The following ATP2C2 variants were observed in gnomAD, a reference collection of about 807,000 sequenced individuals.
The protein encoded by ATP2C2 is ATPase secretory pathway Ca2+ transporting 2.
ATP2C2 carries 171 observed loss-of-function variants against 110.8 expected under a neutral mutation model. That is an observed-to-expected ratio of 1.54 (90% CI 1.36 to 1.75). The LOEUF (loss-of-function observed/expected upper bound fraction) is 1.75, where lower values mean the gene tolerates loss of function less well. Ranked by LOEUF, ATP2C2 falls within the 40% of genes most tolerant of loss-of-function variation. ATP2C2 has a pLI of 0.00. For synonymous variants in ATP2C2, 804 were observed against 508.4 expected (o/e 1.58, Z -7.82); for missense variants, 1,963 against 1,235.0 (o/e 1.59, Z -8.84).
Position 84,439,199 on chromosome 16 carries a change from C to T in ATP2C2, c.1020C>T (p.Pro340=), listed in dbSNP as rs1909012797. The change falls in exon 12 of 27, where the codon CCC becomes CCT. Residue 340 remains proline, a synonymous_variant. Coordinates refer to ENST00000262429, the MANE Select transcript of ATP2C2 (RefSeq NM_014861.4). ...LAVAAIPEGL[P]IVVMVTLVLG... ...TGGCGGCCATTCCAGAGGGTCTGCC[C>T]ATCGTCGTCATGGTGACGCTGGTCC... 1.2e-6 allele frequency: 2 copies of T among 1,612,174 alleles called. No homozygotes were observed. Among genetic ancestry groups the T allele is most frequent in the South Asian group, 1.1e-5 (1 of 90,974 alleles).
At position 84,453,391 on chromosome 16, in the gene ATP2C2, C is replaced by T. The variant is rs1438360594; in HGVS notation, c.1980+20C>T. On this transcript the variant is annotated intron_variant, in intron 20 of 26. Transcript: ENST00000262429. Reference sequence around the variant, plus strand: ...ATCAAGGTTCGCTGGGCAAGGCAGGCACAGGCTGCGCTGCTGGGGCCGGGC... The same window carrying T: ...ATCAAGGTTCGCTGGGCAAGGCAGGTACAGGCTGCGCTGCTGGGGCCGGGC... 3.1e-6 allele frequency: 5 copies of T among 1,613,924 alleles called. No individual in the cohort carries two copies. Among genetic ancestry groups the T allele is most frequent in the Admixed American group, 1.7e-5 (1 of 60,006 alleles).
At chr16:84,413,077 G>A (rs180942723) in intron 6 of ATP2C2, among the ~76,000 whole-genome samples, 44 of 146,758 alleles carry the variant, frequency 3.0e-4, no homozygotes, top group Non-Finnish European at 4.6e-4. Flanking sequence ...CAGCCTGTGC[G>A]ATAAGAGCGA....
intron 1 of ATP2C2, among the ~76,000 whole-genome samples, chr16:84,385,677 C>T (rs988892960): frequency 6.6e-6 from 1 of 152,306 alleles, no homozygotes. Flanking sequence ...CCTCAGGAAA[C>T]TTACAGTCAT....
At chr16:84,462,213 G>T in intron 26 of ATP2C2, 84 bp downstream of exon 26, 2 of 1,541,116 alleles carry the variant, frequency 1.3e-6, no homozygotes, top group Non-Finnish European at 8.8e-7. Flanking sequence ...CTGCAGCCCA[G>T]GAGGGGTCAG....
chr16:84,448,371 G>C (rs555150154), intron 16 of ATP2C2, among the ~76,000 whole-genome samples, 162 bp from the exon 17 acceptor site: 1 of 152,128 alleles, frequency 6.6e-6, no homozygotes, highest in African/African-American at 2.4e-5. Flanking sequence ...CTAGAACTTC[G>C]CGAACCTGTC....
intron 20 of ATP2C2, among the ~76,000 whole-genome samples, chr16:84,454,448 G>T (rs1194473794): frequency 1.3e-5 from 2 of 152,170 alleles, no homozygotes; most frequent in Non-Finnish European, 2.9e-5. Flanking sequence ...CTCAAAGAAG[G>T]TAGTAATACT....
intron 1 of ATP2C2, among the ~76,000 whole-genome samples, chr16:84,386,702 G>A (rs1055777981): frequency 1.3e-5 from 2 of 152,188 alleles, no homozygotes; most frequent in African/African-American, 4.8e-5. Flanking sequence ...CTCTTGACCT[G>A]AGGCTGAAAT....
intron 3 of ATP2C2, 30 bp downstream of exon 3, chr16:84,405,274 A>C (rs372991083): frequency 6.4e-7 from 1 of 1,569,244 alleles, no homozygotes; most frequent in Non-Finnish European, 8.7e-7. Context: ...TCTTTGCATT[A>C]ACATGCATAA....
At chr16:84,436,123 C>T (rs1032655392) in intron 11 of ATP2C2, among the ~76,000 whole-genome samples, 8 of 152,204 alleles carry the variant, frequency 5.3e-5, no homozygotes, top group African/African-American at 1.9e-4. Context: ...AGTGAGACTC[C>T]ATCTCAAACA....
At position 84,461,988 on chromosome 16, in the gene ATP2C2, AC is replaced by A; in HGVS notation, c.2583del (p.Lys862SerfsTer2). 1.2e-6 allele frequency: 2 copies of A among 1,613,384 alleles called. No homozygotes were observed. The highest frequency in any genetic ancestry group is 1.7e-6 in the Non-Finnish European group (2 of 1,179,466). ...LFNALTCRSQ[T>X]KLIFEIGFLR... Reference sequence around the variant, plus strand: ...CCCCCGTGTGACCTTCTCCCTGCAGACCAAGCTGATATTTGAGATCGGCTTT... The same window carrying A: ...CCCCCGTGTGACCTTCTCCCTGCAGACAAGCTGATATTTGAGATCGGCTTT... On this transcript the variant is annotated frameshift_variant and splice_region_variant, in exon 26 of 27. Transcript: ENST00000262429. LOFTEE classifies it high-confidence loss of function.
At chr16:84,396,486 G>A (rs1351265893) in intron 1 of ATP2C2, among the ~76,000 whole-genome samples, 2 of 150,010 alleles carry the variant, frequency 1.3e-5, no homozygotes, top group Admixed American at 6.6e-5. Flanking sequence ...GGAGGAGGAG[G>A]TTGTAGTGAG....
At chr16:84,396,311 T>G (rs1904971712) in intron 1 of ATP2C2, among the ~76,000 whole-genome samples, 1 of 152,104 alleles carries the variant, frequency 6.6e-6, no homozygotes, top group Non-Finnish European at 1.5e-5. Flanking sequence ...TTTTGGAGGC[T>G]GAGGCAGGCA....
intron 9 of ATP2C2, 66 bp downstream of exon 9, chr16:84,422,763 A>T (rs1461989741): frequency 6.7e-7 from 1 of 1,484,778 alleles, no homozygotes; most frequent in East Asian, 2.3e-5. Flanking sequence ...TAGGCAAATA[A>T]TACCAGCCTT....
At chr16:84,446,564 A>G in intron 16 of ATP2C2, 134 bp downstream of exon 16, 1 of 542,864 alleles carries the variant, frequency 1.8e-6, no homozygotes, top group Middle Eastern at 3.4e-4. Context: ...ACATGGAAAA[A>G]CTTAATCACC....
chr16:84,425,673 C>T, intron 10 of ATP2C2, 62 bp from the exon 11 acceptor site: 5 of 1,554,682 alleles, frequency 3.2e-6, no homozygotes, highest in African/African-American at 2.7e-5. Context: ...GAGTTTGAAT[C>T]CCTCCAGGCA....
intron 26 of ATP2C2, 94 bp downstream of exon 26, chr16:84,462,223 G>T (rs951423826): frequency 2.5e-5 from 37 of 1,499,098 alleles, no homozygotes; most frequent in South Asian, 3.8e-5. Flanking sequence ...GGAGGGGTCA[G>T]TGCGGGAAAG....
At chr16:84,400,938 G>A (rs1451767329) in intron 2 of ATP2C2, among the ~76,000 whole-genome samples, 1 of 152,182 alleles carries the variant, frequency 6.6e-6, no homozygotes, top group Non-Finnish European at 1.5e-5. Flanking sequence ...CTATAGAGTT[G>A]TTTGAGCTCT....
intron 1 of ATP2C2, among the ~76,000 whole-genome samples, chr16:84,369,564 C>T (rs768425368): frequency 8.6e-5 from 13 of 151,622 alleles, no homozygotes; most frequent in Non-Finnish European, 1.6e-4. Context: ...TGAACGAGTC[C>T]CCTGGGTTGC....
At chr16:84,453,016 C>T in intron 18 of ATP2C2, 122 bp from the exon 19 acceptor site, 1 of 984,708 alleles carries the variant, frequency 1.0e-6, no homozygotes, top group Non-Finnish European at 1.5e-6. Flanking sequence ...CATGGTAGGT[C>T]CTCAGTAAAC....
Sources: gnomAD v4.1 joint callset for allele counts (sites outside exome capture counted in the v4.1 genomes callset) on GRCh38, gnomAD v4.1.1 for gene constraint, MANE v1.5 for transcripts, NCBI Gene and HGNC (gene_info 2026-07-23, HGNC 2026-07-21) for gene names.